DLG2: variants seen among roughly 807,000 people sequenced by gnomAD.
DLG2 encodes disks large homolog 2.
Under a neutral mutation model 132.5 loss-of-function variants are expected in DLG2, and 45 were observed. The observed-to-expected ratio is 0.34, with a 90% confidence interval of 0.27 to 0.44. The LOEUF is 0.44. Ranked by LOEUF, DLG2 falls within the 20% of genes least tolerant of loss-of-function variation. The probability of loss-of-function intolerance (pLI) is 1.00; values close to 1 mark genes in which losing one functional copy is unlikely to be tolerated. For missense variants in DLG2, 1,045 were observed against 1,196.9 expected (o/e 0.87, Z 1.87); for synonymous variants, 424 against 419.6 (o/e 1.01, Z -0.13).
chr11:83,480,643 A>AAAGT lies in DLG2; in HGVS notation c.2293+3482_2293+3485dup, dbSNP rs1432352275. The AAAGT allele has an allele frequency of 2.6e-6, 4 of 1,553,916 alleles. No homozygotes were observed. The Admixed American group carries it at 5.8e-5, about 22-fold the overall frequency. The stretch of plus-strand genomic sequence containing the variant: ...TGTTTCTTCTTTTTAGCAAATGAAG[A>AAAGT]AAGTATCTTTAATTACAAAAAATGC... On this transcript the variant is annotated intron_variant, in intron 22 of 27. Coordinates refer to ENST00000376104, the MANE Select transcript of DLG2 (RefSeq NM_001142699.3).
At chr11:83,614,056 T>C (rs1420190903) in intron 19 of DLG2, among the ~76,000 whole-genome samples, 1 of 152,146 alleles carries the variant, frequency 6.6e-6, no homozygotes, top group Non-Finnish European at 1.5e-5. Flanking sequence ...AGTGTGAACT[T>C]GATGAAGTAG....
At chr11:84,244,367 G>A (rs920915384) in intron 8 of DLG2, among the ~76,000 whole-genome samples, 5 of 152,058 alleles carry the variant, frequency 3.3e-5, no homozygotes, top group African/African-American at 1.2e-4. Context: ...TCTATTTTTA[G>A]TAGAGACAGG....
chr11:85,297,390 C>G (rs1469858040), intron 3 of DLG2, among the ~76,000 whole-genome samples: 1 of 152,014 alleles, frequency 6.6e-6, no homozygotes, highest in Non-Finnish European at 1.5e-5. Flanking sequence ...TTGTAGTTCT[C>G]TCTTAGACTG....
intron 6 of DLG2, among the ~76,000 whole-genome samples, chr11:84,563,406 C>T (rs2099435644): frequency 6.6e-6 from 1 of 152,142 alleles, no homozygotes; most frequent in South Asian, 2.1e-4. Flanking sequence ...TTGAGGCCTC[C>T]TTCTAACATA....
intron 6 of DLG2, among the ~76,000 whole-genome samples, chr11:84,813,232 G>A (rs2076760023): frequency 6.6e-6 from 1 of 151,922 alleles, no homozygotes; most frequent in African/African-American, 2.4e-5. Context: ...AGTGGTCCTG[G>A]TGTTGAGCTA....
At chr11:85,017,820 T>C (rs560428989) in intron 6 of DLG2, among the ~76,000 whole-genome samples, 32 of 152,118 alleles carry the variant, frequency 2.1e-4, no homozygotes, top group Non-Finnish European at 3.7e-4. Flanking sequence ...CCCTTCCTTC[T>C]CTCTCTCCTA....
At chr11:84,304,722 T>C (rs752363515) in intron 7 of DLG2, among the ~76,000 whole-genome samples, 2 of 152,240 alleles carry the variant, frequency 1.3e-5, no homozygotes, top group Non-Finnish European at 2.9e-5. Flanking sequence ...GTCTGAAATA[T>C]TATTCTTTTG....
At chr11:84,451,637 C>T (rs547040013) in intron 7 of DLG2, among the ~76,000 whole-genome samples, 35 of 151,844 alleles carry the variant, frequency 2.3e-4, no homozygotes, top group Admixed American at 1.1e-3. Flanking sequence ...TTGAATGTTA[C>T]GATGCACCAA....
chr11:83,772,871 G>A (rs925900056), intron 18 of DLG2, among the ~76,000 whole-genome samples: 1 of 152,050 alleles, frequency 6.6e-6, no homozygotes, highest in Non-Finnish European at 1.5e-5. Context: ...AATTTAACTG[G>A]CTACTAATAG....
intron 4 of DLG2, among the ~76,000 whole-genome samples, chr11:85,259,912 A>G (rs754316994): frequency 2.0e-5 from 3 of 152,132 alleles, no homozygotes; most frequent in Non-Finnish European, 4.4e-5. Context: ...ACTATCTTGT[A>G]CAGGTAGGCC....
chr11:84,863,901 A>G (rs908025821), intron 6 of DLG2, among the ~76,000 whole-genome samples: 6 of 152,302 alleles, frequency 3.9e-5, no homozygotes, highest in African/African-American at 1.4e-4. Context: ...TTTAAAATGG[A>G]TACAGCTCCA....
intron 17 of DLG2, among the ~76,000 whole-genome samples, chr11:83,807,513 GA>G (rs1269227872): frequency 6.6e-6 from 1 of 152,054 alleles, no homozygotes; most frequent in African/African-American, 2.4e-5. Context: ...AAAACATCAA[GA>G]AATAAAGTTC....
chr11:84,059,254 G>C, intron 11 of DLG2, 61 bp downstream of exon 11: 1 of 1,511,858 alleles, frequency 6.6e-7, no homozygotes, highest in Non-Finnish European at 9.1e-7. Flanking sequence ...GACTATCGTG[G>C]CATAAACTTC....
chr11:84,333,913 G>A (rs1055043589), intron 7 of DLG2, among the ~76,000 whole-genome samples: 2 of 152,108 alleles, frequency 1.3e-5, no homozygotes, highest in African/African-American at 2.4e-5. Flanking sequence ...AGTAGGGTTC[G>A]AAGAAATGAA....
chr11:84,524,250 C>T (rs1313204343), intron 7 of DLG2, among the ~76,000 whole-genome samples: 1 of 152,184 alleles, frequency 6.6e-6, no homozygotes, highest in African/African-American at 2.4e-5. Flanking sequence ...GACTTTGGTT[C>T]TAAAAAGAAT....
chr11:84,666,649 T>G (rs948887205), intron 6 of DLG2, among the ~76,000 whole-genome samples: 8 of 152,058 alleles, frequency 5.3e-5, no homozygotes, highest in African/African-American at 1.9e-4. Context: ...ATTGGATGTG[T>G]GTATACACAT....
intron 6 of DLG2, among the ~76,000 whole-genome samples, chr11:84,801,352 G>T (rs1031989072): frequency 3.2e-4 from 49 of 152,210 alleles, no homozygotes; most frequent in Non-Finnish European, 6.8e-4. Flanking sequence ...GGCGGATCAC[G>T]AGGTCAGGAG....
intron 3 of DLG2, among the ~76,000 whole-genome samples, chr11:85,304,231 G>A (rs2079793930): frequency 6.6e-6 from 1 of 152,090 alleles, no homozygotes; most frequent in South Asian, 2.1e-4. Context: ...CAAGTTAAAT[G>A]TTATTGTTCA....
At chr11:84,507,979 G>C (rs374113291) in intron 7 of DLG2, among the ~76,000 whole-genome samples, 11 of 152,246 alleles carry the variant, frequency 7.2e-5, no homozygotes, top group African/African-American at 2.6e-4. Flanking sequence ...AGCAAACAAG[G>C]TGACAATATT....
Sources: allele counts gnomAD v4.1 joint callset (sites outside exome capture counted in the v4.1 genomes callset), GRCh38; gene constraint gnomAD v4.1.1; transcripts MANE v1.5; gene names NCBI Gene and HGNC (gene_info 2026-07-23, HGNC 2026-07-21).